ASPG: variants seen among roughly 807,000 people sequenced by gnomAD.
ASPG encodes 60 kDa lysophospholipase.
A neutral mutation model predicts 63.2 loss-of-function variants in ASPG; 53 were observed. That is an observed-to-expected ratio of 0.84 (90% CI 0.67 to 1.05). The LOEUF (loss-of-function observed/expected upper bound fraction) is 1.05, where lower values mean the gene tolerates loss of function less well. ASPG is among the 50% of genes least tolerant of loss of function. ASPG has a pLI of 0.00. For synonymous variants in ASPG, 370 were observed against 355.0 expected, an observed-to-expected ratio of 1.04 and a Z score of -0.48; for missense variants, 741 against 794.4, an observed-to-expected ratio of 0.93 and a Z score of 0.81.
chr14:104,098,099 C>T (rs4018037), intron 5 of ASPG, among the ~76,000 whole-genome samples: 9 of 24,822 alleles, frequency 3.6e-4, no homozygotes, highest in African/African-American at 5.4e-4. Context: ...TATGGAGGTT[C>T]TGCGTTAGAG....
chr14:104,102,448 C>T (rs1368228216), intron 6 of ASPG, among the ~76,000 whole-genome samples: 2 of 152,166 alleles, frequency 1.3e-5, no homozygotes, highest in South Asian at 2.1e-4. Flanking sequence ...TGCCCAGGTT[C>T]CTGTCCCAGC....
chr14:104,105,260 C>A (rs2037071259), intron 9 of ASPG, 68 bp from the exon 10 acceptor site: 2 of 1,610,870 alleles, frequency 1.2e-6, no homozygotes, highest in South Asian at 2.2e-5. Context: ...GTAGCCCGAC[C>A]CTCCAGGCTG....
intron 4 of ASPG, among the ~76,000 whole-genome samples, chr14:104,096,525 C>T (rs1199222533): frequency 2.0e-5 from 3 of 152,148 alleles, no homozygotes; most frequent in Non-Finnish European, 4.4e-5. Context: ...AGCAGTGCCT[C>T]CCGCCCCAGA....
Position 104,105,319 on chromosome 14 carries a change from C to T in ASPG, c.1051-9C>T. The T allele has an allele frequency of 1.2e-6, 2 of 1,612,628 alleles. No individual in the cohort carries two copies. Among genetic ancestry groups the T allele is most frequent in the Non-Finnish European group, 1.7e-6 (2 of 1,179,756 alleles). ...GGCAGAGCCACTTCACCTCTGTTCT[C>T]TCCACCAGCTGCTGACCAAGGACCT... On this transcript the variant is annotated splice_polypyrimidine_tract_variant and intron_variant, in intron 9 of 15. Transcript: ENST00000551177.
intron 1 of ASPG, among the ~76,000 whole-genome samples, chr14:104,090,030 C>T (rs1335297273): frequency 6.7e-6 from 1 of 148,734 alleles, no homozygotes; most frequent in African/African-American, 2.5e-5. Flanking sequence ...TGGTTTTGAA[C>T]TCCTGGGCTC....
Position 104,115,240 on chromosome 14 carries a change from C to T in ASPG, c.*2696C>T, listed in dbSNP as rs1022140893. ...TCGTGTATGCTAGGAAGTTCCCCTT[C>T]TGGTCACACCTCAATATTTCCTGCT... On this transcript the variant is annotated 3_prime_UTR_variant, in exon 16 of 16. Transcript: ENST00000551177. 1.3e-5 allele frequency: 2 copies of T among 152,270 alleles called. No homozygotes were observed. The highest frequency in any genetic ancestry group is 6.5e-5 in the Admixed American group (1 of 15,294). The allele number at this position is 152,270 out of a possible 1,614,324, so 9.4% of individuals were successfully genotyped here. A position where few individuals can be genotyped will look rare whatever the true frequency, so the allele number is the denominator to read the frequency against.
chr14:104,098,090 A>T (rs1357318963), intron 5 of ASPG, among the ~76,000 whole-genome samples: 5 of 125,866 alleles, frequency 4.0e-5, no homozygotes, highest in South Asian at 2.9e-4. Context: ...AGAGATGCGT[A>T]TGGAGGTTCT....
Position 104,104,341 on chromosome 14 carries a change from T to C in ASPG, c.791T>C (p.Val264Ala). 1 of 1,612,318 alleles carries C rather than the reference T, an allele frequency of 6.2e-7. No individual in the cohort carries two copies. The highest frequency in any genetic ancestry group is 1.1e-5 in the South Asian group (1 of 91,072). Residue 264 changes from valine to alanine, a missense_variant, in exon 8 of 16, where the codon GTC becomes GCC. Physicochemically the swap from Val to Ala is moderately conservative, Grantham distance 64. Coordinates refer to ENST00000551177, the MANE Select transcript of ASPG (RefSeq NM_001080464.3). ...AFLQPPLKGV[V>A]METFGSGNGP... ...TTGCAGCCTCCCCTGAAGGGCGTGG[T>C]CATGGAGACCTTCGGTTCAGGGAAC...
Position 104,110,137 on chromosome 14 carries a change from G to A in ASPG, c.1520+822G>A. ...AGGGACCCAAAAAGGAGAGTCGGAGGCAGGAGACCTGGGCCGGGTGCAGGT... is the reference window on the plus strand; with the variant it reads ...AGGGACCCAAAAAGGAGAGTCGGAGACAGGAGACCTGGGCCGGGTGCAGGT... On this transcript the variant is annotated intron_variant, in intron 13 of 15. Coordinates refer to ENST00000551177, the MANE Select transcript of ASPG (RefSeq NM_001080464.3). This position sits in a 1 kb window ranked among gnomAD's most constrained non-coding sequence, Gnocchi z 4.7. The A allele has an allele frequency of 2.0e-6, 2 of 985,350 alleles. No individual in the cohort carries two copies. The highest frequency in any genetic ancestry group is 2.4e-6 in the Non-Finnish European group (2 of 829,890). 61.0% of individuals were successfully genotyped at this position (985,350 alleles called of 1,614,324 possible). A position where few individuals can be genotyped will look rare whatever the true frequency, so the allele number is the denominator to read the frequency against.
chr14:104,103,114 C>G (rs1394139935), intron 6 of ASPG, among the ~76,000 whole-genome samples: 3 of 152,274 alleles, frequency 2.0e-5, no homozygotes, highest in African/African-American at 7.2e-5. Flanking sequence ...GCCTGTAACC[C>G]AGCGCAGTGA....
rs2037314523 is a variant in ASPG, at chr14:104,109,900, C to A, written c.1520+585C>A. 5 of 962,410 alleles carry A rather than the reference C, an allele frequency of 5.2e-6. No homozygotes were observed. Among genetic ancestry groups the A allele is most frequent in the Non-Finnish European group, 4.9e-6 (4 of 809,138 alleles). 59.6% of individuals were successfully genotyped at this position (962,410 alleles called of 1,614,324 possible). On this transcript the variant is annotated intron_variant, in intron 13 of 15. Coordinates refer to ENST00000551177, the MANE Select transcript of ASPG (RefSeq NM_001080464.3). This position sits in a 1 kb window ranked among gnomAD's most constrained non-coding sequence, Gnocchi z 4.8. Reference sequence around the variant, plus strand: ...GAGTGACCACCGAGGCAGGCTCAGGCCTTCTGACATCATGTTGTTGTTGGG... The same window carrying A: ...GAGTGACCACCGAGGCAGGCTCAGGACTTCTGACATCATGTTGTTGTTGGG...
Position 104,092,652 on chromosome 14 carries a change from C to T in ASPG, c.102C>T (p.Gly34=). ...CTGCAGTGCTTGTGCCCGGGACGGGCCTGGCTGCCATCCTGAGGACACTGC... is the reference window on the plus strand; with the variant it reads ...CTGCAGTGCTTGTGCCCGGGACGGGTCTGGCTGCCATCCTGAGGACACTGC... ...SELGVLVPGT[G]LAAILRTLPM... is the part of the protein sequence containing the mutation. The change falls in exon 2 of 16, where the codon GGC becomes GGT. Residue 34 remains glycine (G), a synonymous_variant. Transcript: ENST00000551177. The T allele has an allele frequency of 6.5e-7, 1 of 1,536,414 alleles. No homozygotes were observed. Among genetic ancestry groups the T allele is most frequent in the East Asian group, 2.4e-5 (1 of 40,948 alleles).
Position 104,093,594 on chromosome 14 carries a change from ACCATCAAGGTAG to A in ASPG, c.296_303+4del, listed in dbSNP as rs2036450902. 2 of 1,596,064 alleles carry A rather than the reference ACCATCAAGGTAG, an allele frequency of 1.3e-6. No homozygotes were observed. The highest frequency in any genetic ancestry group is 4.5e-5 in the East Asian group (2 of 44,414). ...CGCTGAGTGGGTTTGCCTTGCCCAG[ACCATCAAGGTAG>A]TGGGGCTGGGGAATGCTGGGTGGGG... is the stretch of plus-strand genomic sequence containing the variant. On this transcript the variant is annotated splice_donor_variant and splice_donor_region_variant and coding_sequence_variant and intron_variant, in exon 3 of 16. Transcript: ENST00000551177. LOFTEE classifies it high-confidence loss of function.
At position 104,091,403 on chromosome 14, in the gene ASPG, G is replaced by A. The variant is rs371794367; in HGVS notation, c.83-1230G>A. 3.3e-5 allele frequency among the ~76,000 whole-genome samples: 5 copies of A among 152,158 alleles called. No homozygotes were observed. The highest frequency in any genetic ancestry group is 1.9e-4 in the East Asian group (1 of 5,184). On this transcript the variant is annotated intron_variant, in intron 1 of 15. Transcript: ENST00000551177. The surrounding 1 kb of genome is among the most constrained non-coding windows in gnomAD (Gnocchi z 6.4). ...AACATGTGCGGGCTCCGCCTCCCCC[G>A]TCTGCTGGCTGAGCCCTACTGGCGG...
chr14:104,099,074 T>C (rs1596083820), intron 6 of ASPG, 95 bp downstream of exon 6: 1 of 1,489,522 alleles, frequency 6.7e-7, no homozygotes, highest in South Asian at 1.2e-5. Context: ...TCGGCAGAGT[T>C]TGAGAGCACC....
chr14:104,109,046 A>C lies in ASPG; in HGVS notation c.1434-183A>C. The stretch of plus-strand genomic sequence containing the variant: ...ATGGAGGTGGTGGGATCCCGGGATG[A>C]TGTCACATGGGCCTAGGCAGAGGAT... On this transcript the variant is annotated intron_variant, in intron 12 of 15. Transcript: ENST00000551177. This position sits in a 1 kb window ranked among gnomAD's most constrained non-coding sequence, Gnocchi z 4.8. The C allele has an allele frequency of 6.1e-6, 6 of 985,296 alleles. No individual in the cohort carries two copies. The highest frequency in any genetic ancestry group is 7.2e-6 in the Non-Finnish European group (6 of 829,908). The allele number at this position is 985,296 out of a possible 1,614,324, so 61.0% of individuals were successfully genotyped here. A position where few individuals can be genotyped will look rare whatever the true frequency, so the allele number is the denominator to read the frequency against.
rs558059615 is a variant in ASPG at position 104,107,299 on chromosome 14, C to T, written c.1387C>T (p.Arg463Trp). ...GCAGAGAGGTGTGGACGTGAACACC[C>T]GGGACACGGATGGCTTCAGCCCGCT... is the stretch of plus-strand genomic sequence containing the variant. ...LLQRGVDVNTRDTDGFSPLLL... is the reference protein window; with the variant it reads ...LLQRGVDVNTWDTDGFSPLLL... The change falls in exon 12 of 16, where the codon CGG becomes TGG. Residue 463 changes from arginine to tryptophan, a missense_variant. Arg to Trp is a moderately radical substitution (Grantham distance 101, BLOSUM62 -3). Coordinates refer to ENST00000551177, the MANE Select transcript of ASPG (RefSeq NM_001080464.3). 20 of 1,605,458 alleles carry T rather than the reference C, an allele frequency of 1.2e-5. No individual in the cohort carries two copies. Among genetic ancestry groups the T allele is most frequent in the East Asian group, 1.1e-4 (5 of 44,728 alleles).
rs1471186384 is a variant in ASPG, at chr14:104,112,723, G to C, written c.*179G>C. The C allele has an allele frequency of 3.5e-6, 5 of 1,414,452 alleles. No individual in the cohort carries two copies. The highest frequency in any genetic ancestry group is 4.8e-6 in the Non-Finnish European group (5 of 1,050,764). 87.6% of individuals were successfully genotyped at this position (1,414,452 alleles called of 1,614,324 possible). ...GACATCCCCTCACCAGGTCTGTACA[G>C]CCTGGCTCTGAGAGGCTCTGTCTGG... On this transcript the variant is annotated 3_prime_UTR_variant, in exon 16 of 16. Coordinates refer to ENST00000551177, the MANE Select transcript of ASPG (RefSeq NM_001080464.3).
At chr14:104,097,392 T>A (rs1026849033) in intron 4 of ASPG, among the ~76,000 whole-genome samples, 162 bp from the exon 5 acceptor site, 3 of 152,152 alleles carry the variant, frequency 2.0e-5, no homozygotes, top group African/African-American at 2.4e-5. Context: ...AAGGCACCCA[T>A]CTCCAGGCTG....
Sources: gnomAD v4.1 joint callset for allele counts (sites outside exome capture counted in the v4.1 genomes callset) on GRCh38, gnomAD v4.1.1 for gene constraint, Gnocchi (gnomAD v3.1) non-coding constraint, MANE v1.5 for transcripts, NCBI Gene and HGNC (gene_info 2026-07-23, HGNC 2026-07-21) for gene names.